The following FARP2 variants were observed in gnomAD, a reference collection of about 807,000 sequenced individuals.
FARP2 encodes FERM, ARHGEF and pleckstrin domain-containing protein 2.
Under a neutral mutation model 130.5 loss-of-function variants are expected in FARP2, and 111 were observed. The observed-to-expected ratio is 0.85, with a 90% CI of 0.73 to 1.00. The LOEUF (loss-of-function observed/expected upper bound fraction) is 1.00. FARP2 is among the 50% of genes least tolerant of loss of function. The pLI is 0.00. For missense variants in FARP2, 1,385 were observed against 1,346.3 expected (o/e 1.03, Z -0.45); for synonymous variants, 504 against 516.9 (o/e 0.98, Z 0.34).
chr2:241,480,038 A>G (rs773858182), intron 19 of FARP2, among the ~76,000 whole-genome samples: 5 of 152,218 alleles, frequency 3.3e-5, no homozygotes, highest in Non-Finnish European at 5.9e-5. Context: ...CACTGCCCAC[A>G]TGCTTTGAAA....
intron 9 of FARP2, among the ~76,000 whole-genome samples, chr2:241,433,813 C>T (rs1347052315): frequency 6.6e-6 from 1 of 152,170 alleles, no homozygotes; most frequent in Non-Finnish European, 1.5e-5. Flanking sequence ...ATCACTTGGG[C>T]TCAGGAGTTC....
Position 241,407,571 on chromosome 2 carries a change from A to G in FARP2, c.366A>G (p.Lys122=), listed in dbSNP as rs1354644724. Residue 122 remains lysine (K), a synonymous_variant, in exon 5 of 27, where the codon AAA becomes AAG. Transcript: ENST00000264042. ...PKNVVLRLAV[K]FFPPDPGQLQ... ...ATGTGGTGCTTCGCCTAGCTGTAAA[A>G]TTTTTTCCACCTGATCCTGGTCAGC... is the stretch of plus-strand genomic sequence containing the variant. 1 of 1,613,928 alleles carries G rather than the reference A, an allele frequency of 6.2e-7. No individual in the cohort carries two copies. Among genetic ancestry groups the G allele is most frequent in the Non-Finnish European group, 8.5e-7 (1 of 1,179,978 alleles).
chr2:241,406,386 TG>T (rs1235366314), intron 4 of FARP2, among the ~76,000 whole-genome samples: 1 of 150,236 alleles, frequency 6.7e-6, no homozygotes, highest in African/African-American at 2.5e-5. Context: ...TATATATGTA[TG>T]TGTGGGTATA....
In FARP2 at chr2:241,411,033, A is replaced by G. The variant is rs1364098862; in HGVS notation, c.411A>G (p.Arg137=). 5 of 1,599,112 alleles carry G rather than the reference A, an allele frequency of 3.1e-6. No homozygotes were observed. The highest frequency in any genetic ancestry group is 4.3e-6 in the Non-Finnish European group (5 of 1,168,770). The change falls in exon 6 of 27, where the codon AGA becomes AGG. Residue 137 remains arginine, a splice_region_variant and synonymous_variant. Coordinates refer to ENST00000264042, the MANE Select transcript of FARP2 (RefSeq NM_014808.4). ...DPGQLQEEYT[R]YLFALQLKRD... is the part of the protein sequence containing the mutation. ...TGTCTTATTTTGAACTCTCTTCTAG[A>G]TACTTGTTTGCCTTGCAACTTAAGA...
intron 1 of FARP2, among the ~76,000 whole-genome samples, chr2:241,358,603 C>T (rs1313577888): frequency 2.0e-5 from 3 of 152,198 alleles, no homozygotes; most frequent in Non-Finnish European, 4.4e-5. Context: ...ATTTTTCCTT[C>T]ACCCACTTTC....
chr2:241,418,210 T>A, intron 8 of FARP2, 101 bp downstream of exon 8: 1 of 1,294,002 alleles, frequency 7.7e-7, no homozygotes, highest in Non-Finnish European at 1.1e-6. Context: ...TTTGTCCTGA[T>A]GAGTACGGGC....
intron 17 of FARP2, 127 bp downstream of exon 17, chr2:241,464,107 C>A: frequency 1.4e-6 from 1 of 715,670 alleles, no homozygotes; most frequent in South Asian, 1.7e-5. Context: ...GGATCCCCCT[C>A]AGAGTAGGGT....
intron 19 of FARP2, 99 bp from the exon 20 acceptor site, chr2:241,483,366 C>A: frequency 3.0e-6 from 3 of 987,052 alleles, no homozygotes; most frequent in South Asian, 1.3e-5. Flanking sequence ...GCCAGAGGAG[C>A]ACAAGCGGCC....
At position 241,441,493 on chromosome 2, in the gene FARP2, G is replaced by T. The variant is rs779690106; in HGVS notation, c.1348G>T (p.Ala450Ser). 6.2e-7 allele frequency: 1 copy of T among 1,614,148 alleles called. No individual in the cohort carries two copies. Among genetic ancestry groups the T allele is most frequent in the Non-Finnish European group, 8.5e-7 (1 of 1,180,030 alleles). The change falls in exon 13 of 27, where the codon GCT (alanine) becomes TCT (serine). Residue 450 changes from alanine to serine, a missense_variant. By Grantham distance (99) the Ala-to-Ser change is moderately conservative (BLOSUM62 1). Transcript: ENST00000264042. ...TGCAGAGAGGCGCAGTGGAGCAGTGGCTGGAGGCCCCGACACACCATCGGC... is the reference window on the plus strand; with the variant it reads ...TGCAGAGAGGCGCAGTGGAGCAGTGTCTGGAGGCCCCGACACACCATCGGC... ...PAAERRSGAV[A>S]GGPDTPSAQP...
chr2:241,472,132 T>C (rs418866), intron 18 of FARP2, among the ~76,000 whole-genome samples: 2,165 of 150,024 alleles, frequency 0.014, 30 homozygotes, highest in African/African-American at 0.048. Flanking sequence ...TAGTGCTGTT[T>C]TGAGGGGACC....
chr2:241,400,177 C>T (rs1327925572), intron 2 of FARP2, among the ~76,000 whole-genome samples: 3 of 152,130 alleles, frequency 2.0e-5, no homozygotes, highest in South Asian at 2.1e-4. Flanking sequence ...TCAGGTAGGA[C>T]GGGGAACCCT....
intron 1 of FARP2, among the ~76,000 whole-genome samples, chr2:241,359,236 C>T (rs936356355): frequency 2.0e-5 from 3 of 152,132 alleles, no homozygotes; most frequent in African/African-American, 7.2e-5. Context: ...TTGTTTTCCC[C>T]TAAACTGGTG....
At chr2:241,400,843 C>T (rs1009324563) in intron 2 of FARP2, among the ~76,000 whole-genome samples, 2 of 152,280 alleles carry the variant, frequency 1.3e-5, no homozygotes, top group Non-Finnish European at 2.9e-5. Flanking sequence ...TTTGGGCCCA[C>T]AGTGAGTTAG....
At chr2:241,458,648 T>C (rs531248381) in intron 14 of FARP2, among the ~76,000 whole-genome samples, 2 of 152,222 alleles carry the variant, frequency 1.3e-5, no homozygotes, top group African/African-American at 4.8e-5. Context: ...GGAAACCTAA[T>C]GACAATCTCT....
At position 241,482,998 on chromosome 2, in the gene FARP2, C is replaced by T. The variant is rs2064655681; in HGVS notation, c.2263-467C>T. On this transcript the variant is annotated intron_variant, in intron 19 of 26. Coordinates refer to ENST00000264042, the MANE Select transcript of FARP2 (RefSeq NM_014808.4). The surrounding 1 kb of genome is among the most constrained non-coding windows in gnomAD (Gnocchi z 4.6). Reference sequence around the variant, plus strand: ...TGCTAATTTGAATACTCGGGAGAACCCTCCTTTCCTCCTCCCATTCTCGAA... The same window carrying T: ...TGCTAATTTGAATACTCGGGAGAACTCTCCTTTCCTCCTCCCATTCTCGAA... Among the ~76,000 whole-genome samples the T allele has an allele frequency of 7.4e-6, 1 of 135,616 alleles. No homozygotes were observed. Among genetic ancestry groups the T allele is most frequent in the Non-Finnish European group, 1.7e-5 (1 of 59,456 alleles). 89.0% of individuals were successfully genotyped at this position (135,616 alleles called of 152,430 possible).
intron 1 of FARP2, among the ~76,000 whole-genome samples, chr2:241,370,453 A>G (rs1029856527): frequency 6.6e-6 from 1 of 152,204 alleles, no homozygotes; most frequent in African/African-American, 2.4e-5. Context: ...GAGGTCTTGC[A>G]TATGTTAATT....
intron 1 of FARP2, among the ~76,000 whole-genome samples, chr2:241,363,118 C>T (rs740312): frequency 0.016 from 2,413 of 152,316 alleles, 41 homozygotes; most frequent in African/African-American, 0.041. Flanking sequence ...TTCTTGTCTT[C>T]CCTTCAGCAT....
At chr2:241,418,877 T>C (rs1178059689) in intron 8 of FARP2, among the ~76,000 whole-genome samples, 1 of 152,188 alleles carries the variant, frequency 6.6e-6, no homozygotes, top group Non-Finnish European at 1.5e-5. Flanking sequence ...TATGTCCAAC[T>C]TGTCTGGGCC....
At chr2:241,399,743 G>C (rs2062120406) in intron 2 of FARP2, among the ~76,000 whole-genome samples, 1 of 152,158 alleles carries the variant, frequency 6.6e-6, no homozygotes, top group Non-Finnish European at 1.5e-5. Flanking sequence ...GGGTGGGGGA[G>C]CTAGTGTTTT....
Sources: gnomAD v4.1 joint callset for allele counts (sites outside exome capture counted in the v4.1 genomes callset) on GRCh38, gnomAD v4.1.1 for gene constraint, Gnocchi (gnomAD v3.1) non-coding constraint, MANE v1.5 for transcripts, NCBI Gene and HGNC (gene_info 2026-07-23, HGNC 2026-07-21) for gene names.